The following ZNF184 variants were observed in gnomAD, a reference collection of about 807,000 sequenced individuals.
The protein encoded by ZNF184 is zinc finger protein 184 (Kruppel-like).
In ZNF184, 16 loss-of-function variants were observed where a neutral mutation model predicts 54.4. The observed-to-expected ratio is 0.29, with a 90% CI of 0.20 to 0.45. ZNF184 has a LOEUF of 0.45. Among genes scored for constraint, ZNF184 ranks in the 20% least tolerant of loss-of-function variants. The pLI is 1.00. For synonymous variants in ZNF184, 254 were observed against 295.3 expected (o/e 0.86, Z 1.43); for missense variants, 681 against 888.2 (o/e 0.77, Z 2.97).
chr6:27,467,320 G>C (rs752196441), intron 3 of ZNF184, among the ~76,000 whole-genome samples: 1 of 152,108 alleles, frequency 6.6e-6, no homozygotes, highest in Non-Finnish European at 1.5e-5. Flanking sequence ...TTGGGGCCTG[G>C]CGTGGTGGCT....
chr6:27,428,808 T>C, the ZNF184 span, among the ~76,000 whole-genome samples: 3 of 152,222 alleles, frequency 2.0e-5, no homozygotes, highest in Non-Finnish European at 4.4e-5. This position sits in a 1 kb window ranked among gnomAD's most constrained non-coding sequence, Gnocchi z 4.1. Context: ...ATCTGCAGAA[T>C]TGGAGATAAT....
the ZNF184 span, among the ~76,000 whole-genome samples, chr6:27,443,195 T>C: frequency 6.9e-4 from 105 of 152,356 alleles, no homozygotes; most frequent in African/African-American, 2.1e-3. Context: ...TGCATCTCTC[T>C]TATGTAAGCA....
chr6:27,435,233 T>C, the ZNF184 span, among the ~76,000 whole-genome samples: 1 of 152,198 alleles, frequency 6.6e-6, no homozygotes, highest in African/African-American at 2.4e-5. Context: ...ATCTGTTGGT[T>C]GCTTCGGATG....
chr6:27,440,317 T>G, the ZNF184 span, among the ~76,000 whole-genome samples: 20 of 152,336 alleles, frequency 1.3e-4, no homozygotes, highest in East Asian at 3.9e-3. Context: ...ACAATATTCA[T>G]TTTATAATTC....
At chr6:27,417,507 T>G in the ZNF184 span, among the ~76,000 whole-genome samples, 1 of 152,190 alleles carries the variant, frequency 6.6e-6, no homozygotes, top group Non-Finnish European at 1.5e-5. Flanking sequence ...GGAGGGAGAC[T>G]GGCTTTCCAC....
intron 3 of ZNF184, among the ~76,000 whole-genome samples, chr6:27,462,152 G>A (rs1344683093): frequency 6.6e-6 from 1 of 152,076 alleles, no homozygotes; most frequent in Non-Finnish European, 1.5e-5. Context: ...AGGCCTGAAA[G>A]GAACACACTG....
At chr6:27,405,134 C>G in the ZNF184 span, 1 of 152,094 alleles carries the variant, frequency 6.6e-6, no homozygotes, top group African/African-American at 2.4e-5. Flanking sequence ...ATGGCAAAAA[C>G]GGCAATTACT....
At chr6:27,421,555 A>G in the ZNF184 span, among the ~76,000 whole-genome samples, 1 of 152,244 alleles carries the variant, frequency 6.6e-6, no homozygotes, top group Admixed American at 6.5e-5. Context: ...ACGTACAGAT[A>G]TATGACGCTA....
At chr6:27,430,862 AC>A in the ZNF184 span, among the ~76,000 whole-genome samples, 1 of 152,196 alleles carries the variant, frequency 6.6e-6, no homozygotes, top group Non-Finnish European at 1.5e-5. Context: ...CGTCCCACTG[AC>A]CTTTGTTTAT....
At position 27,452,269 on chromosome 6, in the gene ZNF184, G is replaced by C. The variant is rs61736956; in HGVS notation, c.1290C>G (p.His430Gln). The change falls in exon 6 of 6, where the codon CAC (histidine) becomes CAG (glutamine). Residue 430 changes from histidine to glutamine, a missense_variant. Physicochemically the swap from His to Gln is conservative, Grantham distance 24. Coordinates refer to ENST00000683788, the MANE Select transcript of ZNF184 (RefSeq NM_001318891.2). The surrounding 1 kb of genome is among the most constrained non-coding windows in gnomAD (Gnocchi z 5.5). Reference protein sequence around the residue: ...CNECGKAFSQHSNLTQHQKTH... With the variant: ...CNECGKAFSQQSNLTQHQKTH... ...TTTTTTGATGCTGAGTGAGGTTTGA[G>C]TGCTGGCTGAAGGCTTTCCCACATT... The C allele has an allele frequency of 0.013, 20,301 of 1,614,052 alleles. 141 individuals are homozygous for C. The highest frequency in any genetic ancestry group is 0.015 in the Non-Finnish European group (17,503 of 1,180,006).
At chr6:27,461,972 T>C (rs1561840266) in intron 3 of ZNF184, among the ~76,000 whole-genome samples, 1 of 151,884 alleles carries the variant, frequency 6.6e-6, no homozygotes, top group Non-Finnish European at 1.5e-5. Flanking sequence ...CCTAAAGGAG[T>C]CAAGGGACCA....
the ZNF184 span, among the ~76,000 whole-genome samples, chr6:27,409,733 A>G: frequency 0.036 from 5,426 of 152,188 alleles, 201 homozygotes; most frequent in African/African-American, 0.094. Context: ...GAAGAAAAAT[A>G]CGTTAAAAAT....
the ZNF184 span, among the ~76,000 whole-genome samples, chr6:27,443,708 A>G: frequency 2.0e-5 from 3 of 152,194 alleles, no homozygotes; most frequent in South Asian, 2.1e-4. Context: ...CTTCAACTAT[A>G]ATTTTTTCAG....
the ZNF184 span, among the ~76,000 whole-genome samples, chr6:27,433,568 C>T: frequency 2.6e-5 from 4 of 152,324 alleles, no homozygotes; most frequent in Non-Finnish European, 5.9e-5. Flanking sequence ...CTAGATACCT[C>T]ACCTAAGTGG....
intron 3 of ZNF184, among the ~76,000 whole-genome samples, chr6:27,462,269 C>G (rs1299758331): frequency 6.6e-6 from 1 of 151,820 alleles, no homozygotes; most frequent in East Asian, 2.0e-4. Flanking sequence ...GTGATCTCGG[C>G]TCACTGCAAG....
chr6:27,445,726 A>AAAAAAAAAAAC, the ZNF184 span, among the ~76,000 whole-genome samples: 1 of 151,754 alleles, frequency 6.6e-6, no homozygotes, highest in African/African-American at 2.4e-5. Context: ...TATAGCAAAA[A>AAAAAAAAAAAC]AAAAAAGACT....
chr6:27,445,611 C>T, the ZNF184 span, among the ~76,000 whole-genome samples: 7 of 150,896 alleles, frequency 4.6e-5, no homozygotes, highest in Admixed American at 3.3e-4. Context: ...AATATGAAGG[C>T]CCTCACCATT....
intron 3 of ZNF184, among the ~76,000 whole-genome samples, chr6:27,467,353 T>C (rs1763164642): frequency 6.6e-6 from 1 of 152,172 alleles, no homozygotes; most frequent in Non-Finnish European, 1.5e-5. Flanking sequence ...CCCAGCACTT[T>C]GGGAGGCCAA....
chr6:27,424,846 C>T, the ZNF184 span, among the ~76,000 whole-genome samples: 4 of 152,192 alleles, frequency 2.6e-5, no homozygotes, highest in African/African-American at 9.6e-5. Context: ...GCCCTTGGGT[C>T]GTCGATGGGA....
Sources: allele counts gnomAD v4.1 joint callset (sites outside exome capture counted in the v4.1 genomes callset), GRCh38; gene constraint gnomAD v4.1.1; non-coding constraint Gnocchi (gnomAD v3.1); transcripts MANE v1.5; gene names NCBI Gene and HGNC (gene_info 2026-07-23, HGNC 2026-07-21).